The following NDUFAF2 variants were observed in gnomAD, a reference collection of about 807,000 sequenced individuals.
NDUFAF2 encodes NADH dehydrogenase [ubiquinone] 1 alpha subcomplex assembly factor 2.
In NDUFAF2, 13 loss-of-function variants were observed where a neutral mutation model predicts 22.8. The ratio of observed to expected loss-of-function variants is 0.57; its 90% CI spans 0.37 to 0.91. NDUFAF2 has a LOEUF of 0.91. Among genes scored for constraint, NDUFAF2 ranks in the 40% least tolerant of loss-of-function variants. The pLI, the probability that NDUFAF2 is intolerant of heterozygous loss-of-function variation, is 0.01. For synonymous variants in NDUFAF2, 53 were observed against 64.2 expected (o/e 0.83, Z 0.84); for missense variants, 162 against 195.2 (o/e 0.83, Z 1.01).
intron 3 of NDUFAF2, among the ~76,000 whole-genome samples, chr5:61,102,683 T>G (rs1192086349): frequency 6.6e-6 from 1 of 152,084 alleles, no homozygotes; most frequent in Non-Finnish European, 1.5e-5. Context: ...CTAATGCTCA[T>G]TATAAGAGAA....
chr5:61,119,934 G>A (rs1324555968), intron 3 of NDUFAF2, among the ~76,000 whole-genome samples: 2 of 152,026 alleles, frequency 1.3e-5, no homozygotes, highest in Non-Finnish European at 2.9e-5. Flanking sequence ...AGAAGTAATA[G>A]ATTACCTGAA....
At chr5:61,041,446 C>G (rs1331722843) in intron 1 of NDUFAF2, among the ~76,000 whole-genome samples, 3 of 152,020 alleles carry the variant, frequency 2.0e-5, no homozygotes, top group Non-Finnish European at 4.4e-5. Context: ...TTTTAATACA[C>G]AAAGATTCCC....
At chr5:61,065,673 T>G (rs1196775014) in intron 1 of NDUFAF2, among the ~76,000 whole-genome samples, 3 of 152,114 alleles carry the variant, frequency 2.0e-5, no homozygotes, top group Non-Finnish European at 4.4e-5. Context: ...CTCAACAGTT[T>G]AGTTATAGAA....
At chr5:61,024,298 T>A (rs1751623851) in intron 1 of NDUFAF2, among the ~76,000 whole-genome samples, 1 of 152,112 alleles carries the variant, frequency 6.6e-6, no homozygotes, top group Admixed American at 6.6e-5. Context: ...TTTCAAACAT[T>A]TTTTGTTTTG....
intron 3 of NDUFAF2, among the ~76,000 whole-genome samples, chr5:61,142,358 G>T (rs901492242): frequency 2.6e-5 from 4 of 152,008 alleles, no homozygotes; most frequent in Admixed American, 2.6e-4. Context: ...AATTAATCTG[G>T]CTCAGGTTCA....
intron 1 of NDUFAF2, among the ~76,000 whole-genome samples, chr5:61,067,846 G>A (rs912226246): frequency 3.3e-5 from 5 of 151,980 alleles, no homozygotes; most frequent in Non-Finnish European, 5.9e-5. Context: ...TTTAATGATT[G>A]CCATTCTAAC....
intron 1 of NDUFAF2, among the ~76,000 whole-genome samples, chr5:61,010,557 T>G (rs1751430982): frequency 6.6e-6 from 1 of 152,122 alleles, no homozygotes; most frequent in Non-Finnish European, 1.5e-5. Flanking sequence ...CCCTATTTTC[T>G]AGACTGGGTT....
chr5:61,123,305 G>A (rs908299292), intron 3 of NDUFAF2, among the ~76,000 whole-genome samples: 3 of 152,062 alleles, frequency 2.0e-5, no homozygotes, highest in Non-Finnish European at 4.4e-5. Flanking sequence ...AGGTCATTTC[G>A]TCGTCGTGCA....
At chr5:61,073,956 G>C (rs1752334124) in intron 2 of NDUFAF2, among the ~76,000 whole-genome samples, 1 of 152,228 alleles carries the variant, frequency 6.6e-6, no homozygotes, top group African/African-American at 2.4e-5. Context: ...ACAATGAGAA[G>C]TACATAGAGA....
intron 2 of NDUFAF2, among the ~76,000 whole-genome samples, chr5:61,094,428 A>G (rs547993918): frequency 6.6e-6 from 1 of 152,318 alleles, no homozygotes; most frequent in East Asian, 1.9e-4. Flanking sequence ...TTGGGTTACA[A>G]CATGCTCCAT....
chr5:61,034,101 A>G (rs1751764472), intron 1 of NDUFAF2, among the ~76,000 whole-genome samples: 1 of 152,178 alleles, frequency 6.6e-6, no homozygotes, highest in South Asian at 2.1e-4. Flanking sequence ...TCTAATTTAG[A>G]CATTAGAAGA....
At chr5:61,116,776 T>C (rs934151551) in intron 3 of NDUFAF2, 3 of 151,860 alleles carry the variant, frequency 2.0e-5, no homozygotes, top group Non-Finnish European at 2.9e-5. Context: ...ATCCAAGAAA[T>C]AAAACTGCAG....
At chr5:60,982,623 C>T (rs1002164007) in intron 1 of NDUFAF2, among the ~76,000 whole-genome samples, 1 of 142,572 alleles carries the variant, frequency 7.0e-6, no homozygotes, top group African/African-American at 2.6e-5. Flanking sequence ...TTGTTCAGTT[C>T]CCACCTATGA....
At chr5:60,967,366 C>T (rs1252741587) in intron 1 of NDUFAF2, among the ~76,000 whole-genome samples, 1 of 151,938 alleles carries the variant, frequency 6.6e-6, no homozygotes, top group Non-Finnish European at 1.5e-5. Context: ...GCTAGTATTT[C>T]TGGTACTATG....
intron 3 of NDUFAF2, among the ~76,000 whole-genome samples, chr5:61,127,961 A>T (rs531992411): frequency 6.6e-6 from 1 of 152,196 alleles, no homozygotes; most frequent in Non-Finnish European, 1.5e-5. Flanking sequence ...TCAGGATATA[A>T]AATCAATGTG....
At chr5:60,957,661 T>C (rs929515432) in intron 1 of NDUFAF2, among the ~76,000 whole-genome samples, 5 of 152,160 alleles carry the variant, frequency 3.3e-5, no homozygotes, top group African/African-American at 4.8e-5. Flanking sequence ...CAGTGAATAT[T>C]ACAGGCCAGT....
chr5:60,986,787 C>T (rs1751084715), intron 1 of NDUFAF2, among the ~76,000 whole-genome samples: 4 of 151,936 alleles, frequency 2.6e-5, no homozygotes, highest in South Asian at 2.1e-4. Context: ...AAAAAATAAG[C>T]CAGGCGTGGT....
At chr5:60,971,489 G>A (rs1276034446) in intron 1 of NDUFAF2, among the ~76,000 whole-genome samples, 7 of 151,614 alleles carry the variant, frequency 4.6e-5, no homozygotes, top group East Asian at 3.9e-4. Flanking sequence ...GGGTTTCACC[G>A]TGTTAGCCAG....
chr5:61,005,043 T>G (rs1751347968), intron 1 of NDUFAF2, among the ~76,000 whole-genome samples: 1 of 152,112 alleles, frequency 6.6e-6, no homozygotes, highest in Admixed American at 6.6e-5. Context: ...ACCCATTAAC[T>G]TGTCATTTAC....
Sources: gnomAD v4.1 joint callset for allele counts (sites outside exome capture counted in the v4.1 genomes callset) on GRCh38, gnomAD v4.1.1 for gene constraint, MANE v1.5 for transcripts, NCBI Gene and HGNC (gene_info 2026-07-23, HGNC 2026-07-21) for gene names.